The following AGBL1 variants were observed in gnomAD, a reference collection of about 807,000 sequenced individuals.
AGBL1 encodes AGBL carboxypeptidase 1, also known as cytosolic carboxypeptidase 4.
A neutral mutation model predicts 118.9 loss-of-function variants in AGBL1; 130 were observed. That is an observed-to-expected ratio of 1.09 (90% CI 0.95 to 1.26). The LOEUF is 1.26. Among genes scored for constraint, AGBL1 ranks in the 50% most tolerant of loss-of-function variants. AGBL1 has a pLI of 0.00. For synonymous variants in AGBL1, 555 were observed against 478.9 expected (o/e 1.16, Z -2.08); for missense variants, 1,584 against 1,298.1 (o/e 1.22, Z -3.38).
Position 86,264,371 on chromosome 15 carries a change from A to T in AGBL1, c.1200A>T (p.Gln400His). Residue 400 changes from glutamine (Q) to histidine (H), a missense_variant, in exon 11 of 23, where the codon CAA becomes CAT. Transcript: ENST00000614907. ...AACAGCATTGCTACAGCAAGGACCAAAGCTCCTGTGGGCAAGAAAGAGAAT... is the reference window on the plus strand; with the variant it reads ...AACAGCATTGCTACAGCAAGGACCATAGCTCCTGTGGGCAAGAAAGAGAAT... ...SSKQHCYSKD[Q>H]SSCGQEREYA... The T allele has an allele frequency of 4.3e-6, 7 of 1,613,756 alleles. No homozygotes were observed. Among genetic ancestry groups the T allele is most frequent in the Non-Finnish European group, 5.1e-6 (6 of 1,179,796 alleles).
chr15:87,028,701 T>C, intron 24 of AGBL1: 2 of 787,182 alleles, frequency 2.5e-6, no homozygotes, highest in Admixed American at 4.5e-5. Flanking sequence ...TGATTGTTTA[T>C]AATCCATAGA....
At chr15:86,761,358 C>A (rs995404648) in intron 22 of AGBL1, among the ~76,000 whole-genome samples, 1 of 152,062 alleles carries the variant, frequency 6.6e-6, no homozygotes, top group Non-Finnish European at 1.5e-5. Flanking sequence ...AAACCTAGTG[C>A]TAGTGATTGT....
intron 21 of AGBL1, among the ~76,000 whole-genome samples, chr15:86,635,277 T>C (rs1224950257): frequency 5.2e-5 from 3 of 58,140 alleles, no homozygotes; most frequent in African/African-American, 8.2e-5. Context: ...CTCCTCCTCC[T>C]CCTTCCCCTC....
chr15:86,647,754 C>T (rs2085308830), intron 21 of AGBL1, among the ~76,000 whole-genome samples: 1 of 151,972 alleles, frequency 6.6e-6, no homozygotes, highest in East Asian at 1.9e-4. Context: ...ACAATAAATG[C>T]ATGAATCATA....
chr15:86,652,265 C>A (rs1046237205), intron 21 of AGBL1, among the ~76,000 whole-genome samples: 1 of 152,094 alleles, frequency 6.6e-6, no homozygotes, highest in Non-Finnish European at 1.5e-5. Context: ...AGCTTCGCAG[C>A]TGTGACATGA....
At chr15:86,423,067 C>T (rs760904982) in intron 18 of AGBL1, among the ~76,000 whole-genome samples, 40 of 152,094 alleles carry the variant, frequency 2.6e-4, no homozygotes, top group Non-Finnish European at 5.4e-4. Flanking sequence ...AAAAGAGGGA[C>T]TCCTCCCTAA....
chr15:86,842,849 A>T (rs1253019971), intron 22 of AGBL1, among the ~76,000 whole-genome samples: 1 of 152,182 alleles, frequency 6.6e-6, no homozygotes, highest in East Asian at 1.9e-4. Flanking sequence ...GATGCCTGCA[A>T]TTCAGTCAGA....
intron 22 of AGBL1, among the ~76,000 whole-genome samples, chr15:86,734,952 A>G (rs1376244961): frequency 1.3e-5 from 2 of 152,016 alleles, no homozygotes; most frequent in African/African-American, 2.4e-5. Context: ...ACACATATAC[A>G]TGCCCCAGAT....
chr15:86,498,682 A>G (rs547269328), intron 18 of AGBL1, among the ~76,000 whole-genome samples: 2 of 152,042 alleles, frequency 1.3e-5, no homozygotes, highest in East Asian at 3.9e-4. Context: ...CATCCCTGCA[A>G]TTTTGGAGAA....
At chr15:86,670,631 A>T (rs1376595141) in intron 21 of AGBL1, among the ~76,000 whole-genome samples, 2 of 66,048 alleles carry the variant, frequency 3.0e-5, no homozygotes, top group Non-Finnish European at 6.2e-5. Context: ...ACACACAAAC[A>T]CGCTGTGTGT....
rs527866938 is a variant in AGBL1, at chr15:86,915,095, T to C, written c.*7801T>C. The C allele has an allele frequency of 6.6e-6, 1 of 152,296 alleles. No homozygotes were observed. Among genetic ancestry groups the C allele is most frequent in the Admixed American group, 6.5e-5 (1 of 15,292 alleles). The allele number at this position is 152,296 out of a possible 1,614,324, so 9.4% of individuals were successfully genotyped here. A position where few individuals can be genotyped will look rare whatever the true frequency, so the allele number is the denominator to read the frequency against. On this transcript the variant is annotated 3_prime_UTR_variant, in exon 23 of 23. Transcript: ENST00000614907. The stretch of plus-strand genomic sequence containing the variant: ...CAGATCTTCACTAAATAGATGAATC[T>C]GCAATGTTGTTGAGTGTGAATCTTA...
chr15:86,473,621 C>G (rs2082511983), intron 18 of AGBL1, among the ~76,000 whole-genome samples: 1 of 151,974 alleles, frequency 6.6e-6, no homozygotes, highest in Non-Finnish European at 1.5e-5. Context: ...CATATCAAAA[C>G]TATTCTGAGA....
At chr15:86,118,401 G>C (rs1897892948) in intron 1 of AGBL1, among the ~76,000 whole-genome samples, 1 of 151,746 alleles carries the variant, frequency 6.6e-6, no homozygotes, top group Non-Finnish European at 1.5e-5. Flanking sequence ...GTCTTTGCAA[G>C]AACTCTGCAG....
intron 21 of AGBL1, among the ~76,000 whole-genome samples, chr15:86,637,527 G>C (rs927558766): frequency 6.6e-6 from 1 of 152,254 alleles, no homozygotes; most frequent in East Asian, 1.9e-4. Flanking sequence ...ACTTAAAGGC[G>C]TGTTAATGAT....
intron 22 of AGBL1, among the ~76,000 whole-genome samples, chr15:86,710,779 A>G (rs2086542669): frequency 6.6e-6 from 1 of 152,184 alleles, no homozygotes; most frequent in African/African-American, 2.4e-5. Flanking sequence ...AATTCTTTGG[A>G]ATGGCTGGAA....
intron 23 of AGBL1, among the ~76,000 whole-genome samples, chr15:86,928,072 G>T (rs2080564255): frequency 6.6e-6 from 1 of 152,176 alleles, no homozygotes; most frequent in Non-Finnish European, 1.5e-5. Context: ...AAAAAGGAAG[G>T]ATAAGCTAGG....
intron 17 of AGBL1, among the ~76,000 whole-genome samples, chr15:86,298,248 TA>T (rs1567185606): frequency 0.083 from 3,754 of 45,484 alleles, 219 homozygotes; most frequent in Non-Finnish European, 0.095. Context: ...CTGTGTATAA[TA>T]TATATATATA....
chr15:86,547,656 G>A (rs1400968442), intron 20 of AGBL1, among the ~76,000 whole-genome samples: 1 of 152,126 alleles, frequency 6.6e-6, no homozygotes. Context: ...CTGCCTATGA[G>A]AATAAGGACA....
intron 22 of AGBL1, among the ~76,000 whole-genome samples, chr15:86,758,806 T>C (rs2141267230): frequency 6.6e-6 from 1 of 151,392 alleles, no homozygotes; most frequent in Admixed American, 6.6e-5. Context: ...ACCCTGTCTC[T>C]ACAAAAAAAT....
Sources: gnomAD v4.1 joint callset for allele counts (sites outside exome capture counted in the v4.1 genomes callset) on GRCh38, gnomAD v4.1.1 for gene constraint, MANE v1.5 for transcripts, NCBI Gene and HGNC (gene_info 2026-07-23, HGNC 2026-07-21) for gene names.